Variants in ANO9 observed in about 807,000 individuals in gnomAD.
ANO9 encodes the protein anoctamin-9.
A neutral mutation model predicts 100.5 loss-of-function variants in ANO9; 80 were observed. The observed-to-expected ratio is 0.80, with a 90% CI of 0.66 to 0.96. The LOEUF (loss-of-function observed/expected upper bound fraction) is 0.96, where lower values mean the gene tolerates loss of function less well. Among genes scored for constraint, ANO9 ranks in the 40% least tolerant of loss-of-function variants. ANO9 has a pLI of 0.00. For missense variants in ANO9, 1,064 were observed against 1,072.7 expected, an observed-to-expected ratio of 0.99 and a Z score of 0.11; for synonymous variants, 473 against 435.6, an observed-to-expected ratio of 1.09 and a Z score of -1.07.
chr11:441,987 G>C lies in ANO9; in HGVS notation c.-61C>G. The C allele has an allele frequency of 6.3e-7, 1 of 1,584,096 alleles. No homozygotes were observed. Among genetic ancestry groups the C allele is most frequent in the East Asian group, 2.3e-5 (1 of 44,190 alleles). On this transcript the variant is annotated 5_prime_UTR_variant, in exon 1 of 23. Coordinates refer to ENST00000332826, the MANE Select transcript of ANO9 (RefSeq NM_001012302.3). Reference sequence around the variant, plus strand: ...GGCCAGGAGAGTGGCTGCCAGCGGCGGGTGCTCCTACCTGACTTCCGCGTG... The same window carrying C: ...GGCCAGGAGAGTGGCTGCCAGCGGCCGGTGCTCCTACCTGACTTCCGCGTG...
At chr11:420,034 C>T in intron 19 of ANO9, 1 of 1,341,594 alleles carries the variant, frequency 7.5e-7, no homozygotes, top group Non-Finnish European at 9.6e-7. Context: ...AGGGTAAGAC[C>T]TTGTAACCTG....
intron 1 of ANO9, 109 bp from the exon 2 acceptor site, chr11:434,207 C>A: frequency 7.7e-7 from 1 of 1,292,340 alleles, no homozygotes. Context: ...CGTCCCTCCC[C>A]ACAAGGAGAA....
chr11:433,007 C>G, intron 4 of ANO9: 1 of 387,158 alleles, frequency 2.6e-6, no homozygotes, highest in Non-Finnish European at 4.6e-6. Context: ...AGGAGGGGCC[C>G]CTGGGCCTCT....
In ANO9 at chr11:432,396, C is replaced by T. The variant is rs1221858868; in HGVS notation, c.351-342G>A. On this transcript the variant is annotated intron_variant, in intron 4 of 22. Transcript: ENST00000332826. This position sits in a 1 kb window ranked among gnomAD's most constrained non-coding sequence, Gnocchi z 4.8. The stretch of plus-strand genomic sequence containing the variant: ...GGCCCCATGTGTCCAGAGCACACCC[C>T]AGCCTGCATCCGCACACACCCTCCT... 7.8e-6 allele frequency: 3 copies of T among 386,350 alleles called. No individual in the cohort carries two copies. The highest frequency in any genetic ancestry group is 6.2e-5 in the South Asian group (2 of 32,240). The allele number at this position is 386,350 out of a possible 1,614,324, so 23.9% of individuals were successfully genotyped here.
In ANO9 at chr11:433,324, C is replaced by T; in HGVS notation, c.340G>A (p.Val114Ile). The change falls in exon 4 of 23, where the codon GTC becomes ATC. Residue 114 changes from valine (V) to isoleucine (I), a missense_variant. Physicochemically the swap from Val to Ile is conservative, Grantham distance 29. Coordinates refer to ENST00000332826, the MANE Select transcript of ANO9 (RefSeq NM_001012302.3). ...GGTGCAGCCTCTCACCTCGTGGTGA[C>T]CGGGATGGTGGTCGGCGCGGCCAGC... ...AELAAPTTIP[V>I]TTSLRIRIVN... 6.2e-7 allele frequency: 1 copy of T among 1,612,316 alleles called. No individual in the cohort carries two copies. The highest frequency in any genetic ancestry group is 8.5e-7 in the Non-Finnish European group (1 of 1,179,624).
intron 1 of ANO9, among the ~76,000 whole-genome samples, chr11:440,998 C>G (rs191124396): frequency 6.6e-6 from 1 of 152,258 alleles, no homozygotes; most frequent in Non-Finnish European, 1.5e-5. Flanking sequence ...TCTCCTCTAA[C>G]CCCCAGCATG....
intron 17 of ANO9, 36 bp downstream of exon 17, chr11:420,909 T>C: frequency 6.3e-7 from 1 of 1,593,482 alleles, no homozygotes. Flanking sequence ...CGGAGGGGCC[T>C]GGGGCTCCCG....
At chr11:420,655 A>T (rs778839046) in intron 18 of ANO9, 40 bp from the exon 19 acceptor site, 5 of 1,601,514 alleles carry the variant, frequency 3.1e-6, no homozygotes, top group Middle Eastern at 1.7e-4. Flanking sequence ...CCCCGCACTC[A>T]TGTCCGCGGA....
intron 15 of ANO9, among the ~76,000 whole-genome samples, chr11:423,882 T>TACACAC (rs1378695546): frequency 2.1e-4 from 11 of 52,576 alleles, no homozygotes; most frequent in Middle Eastern, 0.014. Flanking sequence ...CACAGTTGAA[T>TACACAC]ACTCACACAC....
chr11:419,033 G>A, intron 20 of ANO9, 44 bp from the exon 21 acceptor site: 6 of 1,611,306 alleles, frequency 3.7e-6, no homozygotes, highest in Non-Finnish European at 5.1e-6. Context: ...GGGCTTCCAG[G>A]GCGGCCCCTT....
intron 15 of ANO9, among the ~76,000 whole-genome samples, chr11:426,459 G>A (rs978057571): frequency 6.6e-5 from 10 of 152,198 alleles, no homozygotes; most frequent in African/African-American, 2.4e-4. Flanking sequence ...TGTAGTCCCA[G>A]CTATTCGGGA....
chr11:420,931 G>C lies in ANO9; in HGVS notation c.1490+14C>G. On this transcript the variant is annotated intron_variant, in intron 17 of 22. Transcript: ENST00000332826. ...GCCTGGGGCTCCCGGGGCTGGGCGG[G>C]GGTCGGCACTCACGGGACCAGGTAC... The C allele has an allele frequency of 6.2e-7, 1 of 1,600,960 alleles. No individual in the cohort carries two copies. Among genetic ancestry groups the C allele is most frequent in the Non-Finnish European group, 8.5e-7 (1 of 1,172,774 alleles).
At position 418,211 on chromosome 11, in the gene ANO9, G is replaced by C. The variant is rs1356294386; in HGVS notation, c.*160C>G. ...CCACAAAGACGGAGCAGGCGGAATA[G>C]GGTGGCAGCTCACAGCCCTGAACAT... is the stretch of plus-strand genomic sequence containing the variant. On this transcript the variant is annotated 3_prime_UTR_variant, in exon 23 of 23. Coordinates refer to ENST00000332826, the MANE Select transcript of ANO9 (RefSeq NM_001012302.3). 4 of 719,994 alleles carry C rather than the reference G, an allele frequency of 5.6e-6. No homozygotes were observed. Among genetic ancestry groups the C allele is most frequent in the Non-Finnish European group, 6.7e-6 (3 of 447,800 alleles). The allele number at this position is 719,994 out of a possible 1,614,324, so 44.6% of individuals were successfully genotyped here. A position where few individuals can be genotyped will look rare whatever the true frequency, so the allele number is the denominator to read the frequency against.
Position 433,797 on chromosome 11 carries a change from C to A in ANO9, c.204+18G>T. On this transcript the variant is annotated intron_variant, in intron 3 of 22. Transcript: ENST00000332826. ...GCCCCGGCCCCATGGCCCTGCCCCT[C>A]GCTGGGCACCCGCCCACCTTAATGT... 1 of 1,551,944 alleles carries A rather than the reference C, an allele frequency of 6.4e-7. No homozygotes were observed. The highest frequency in any genetic ancestry group is 1.2e-5 in the South Asian group (1 of 84,062).
In ANO9 at chr11:419,331, T is replaced by C. The variant is rs548654893; in HGVS notation, c.1934+251A>G. 6.0e-5 allele frequency: 85 copies of C among 1,408,594 alleles called. No homozygotes were observed. The African/African-American group carries it at 8.4e-4, about 14-fold the overall frequency. The allele number at this position is 1,408,594 out of a possible 1,614,324, so 87.3% of individuals were successfully genotyped here. ...GGGAGGGAGCCGTTCTGGCAGGGCC[T>C]ACTCAGGAGGCAGCCAGGTCTGGGA... On this transcript the variant is annotated intron_variant, in intron 20 of 22. Coordinates refer to ENST00000332826, the MANE Select transcript of ANO9 (RefSeq NM_001012302.3).
At position 438,992 on chromosome 11, in the gene ANO9, G is replaced by T. The variant is rs536531666; in HGVS notation, c.6+2929C>A. 3.3e-5 allele frequency among the ~76,000 whole-genome samples: 5 copies of T among 152,276 alleles called. No individual in the cohort carries two copies. The South Asian group carries it at 1.0e-3, about 32-fold the overall frequency. On this transcript the variant is annotated intron_variant, in intron 1 of 22. Coordinates refer to ENST00000332826, the MANE Select transcript of ANO9 (RefSeq NM_001012302.3). ...GCCATCTGCAAACCCAGAGAGGGAG[G>T]CCGGCTCTGGGTGGACAGCCGGCCA...
At position 421,187 on chromosome 11, in the gene ANO9, TG is replaced by T; in HGVS notation, c.1345del (p.His449ThrfsTer23). On this transcript the variant is annotated frameshift_variant, in exon 16 of 23. Coordinates refer to ENST00000332826, the MANE Select transcript of ANO9 (RefSeq NM_001012302.3). LOFTEE classifies it high-confidence loss of function. This position sits in a 1 kb window ranked among gnomAD's most constrained non-coding sequence, Gnocchi z 6.8. ...CGCCAGGCGCGTGGACTTCCCGGGG[TG>T]GCCGTTGATCCTGGGGAGGAAGGGG... is the stretch of plus-strand genomic sequence containing the variant. ...IAFILGRING[H>X]PGKSTRLAGL... 6.4e-7 allele frequency: 1 copy of T among 1,551,536 alleles called. No homozygotes were observed.
intron 19 of ANO9, 107 bp from the exon 20 acceptor site, chr11:419,836 T>C (rs910488638): frequency 1.6e-5 from 24 of 1,528,444 alleles, no homozygotes; most frequent in Non-Finnish European, 2.0e-5. Flanking sequence ...CTGTGCGTGG[T>C]GTCCCCTTGC....
At position 429,738 on chromosome 11, in the gene ANO9, G is replaced by A. The variant is rs1848770424; in HGVS notation, c.832+20C>T. The A allele has an allele frequency of 1.2e-6, 2 of 1,611,636 alleles. No homozygotes were observed. Among genetic ancestry groups the A allele is most frequent in the Admixed American group, 3.3e-5 (2 of 59,966 alleles). On this transcript the variant is annotated intron_variant, in intron 10 of 22. Transcript: ENST00000332826. ...CTGGCACTTCCCCTGGCCCCGCAGA[G>A]GCGTCCCGCAGCAACTCACCCCAGA... is the stretch of plus-strand genomic sequence containing the variant.
Sources: allele counts gnomAD v4.1 joint callset (sites outside exome capture counted in the v4.1 genomes callset), GRCh38; gene constraint gnomAD v4.1.1; non-coding constraint Gnocchi (gnomAD v3.1); transcripts MANE v1.5; gene names NCBI Gene and HGNC (gene_info 2026-07-23, HGNC 2026-07-21).